TIAM1: variants seen among roughly 807,000 people sequenced by gnomAD.
The protein encoded by TIAM1 is rho guanine nucleotide exchange factor TIAM1.
In TIAM1, 65 loss-of-function variants were observed where a neutral mutation model predicts 163.5. The ratio of observed to expected loss-of-function variants is 0.40; its 90% confidence interval spans 0.33 to 0.49. The LOEUF (loss-of-function observed/expected upper bound fraction) is 0.49, where lower values mean the gene tolerates loss of function less well. Among genes scored for constraint, TIAM1 ranks in the 20% least tolerant of loss-of-function variants. The pLI is 0.77. For missense variants in TIAM1, 1,789 were observed against 2,044.7 expected, an observed-to-expected ratio of 0.87 and a Z score of 2.41; for synonymous variants, 833 against 810.1, an observed-to-expected ratio of 1.03 and a Z score of -0.48.
At chr21:31,273,272 G>A (rs1333431239) in intron 3 of TIAM1, among the ~76,000 whole-genome samples, 1 of 152,134 alleles carries the variant, frequency 6.6e-6, no homozygotes, top group Admixed American at 6.5e-5. Context: ...GAGGAATCAA[G>A]AATGGTCCCT....
At chr21:31,495,045 A>G (rs916792445) in intron 1 of TIAM1, among the ~76,000 whole-genome samples, 1 of 152,170 alleles carries the variant, frequency 6.6e-6, no homozygotes, top group Non-Finnish European at 1.5e-5. Context: ...CAGGGAAAAA[A>G]CAGTGTGTGT....
intron 2 of TIAM1, among the ~76,000 whole-genome samples, chr21:31,394,740 A>T (rs866040079): frequency 0.025 from 3,515 of 142,782 alleles, 83 homozygotes; most frequent in African/African-American, 0.045. Context: ...ACACACACAC[A>T]CACACACACA....
At chr21:31,260,533 A>C (rs1422559058) in intron 4 of TIAM1, among the ~76,000 whole-genome samples, 1 of 152,054 alleles carries the variant, frequency 6.6e-6, no homozygotes, top group Non-Finnish European at 1.5e-5. Context: ...AGGTCTAAGA[A>C]TGGCTAACAT....
intron 2 of TIAM1, among the ~76,000 whole-genome samples, chr21:31,458,569 G>A (rs1041124315): frequency 2.0e-5 from 3 of 152,160 alleles, no homozygotes; most frequent in African/African-American, 7.2e-5. Flanking sequence ...CTGTCCAACT[G>A]AAGAATTTAC....
intron 1 of TIAM1, among the ~76,000 whole-genome samples, chr21:31,543,558 G>A (rs1396858782): frequency 6.6e-6 from 1 of 152,202 alleles, no homozygotes; most frequent in Non-Finnish European, 1.5e-5. Context: ...TCAAGTCACG[G>A]AGGAAGCAGA....
At chr21:31,303,329 C>A (rs565776851) in intron 2 of TIAM1, among the ~76,000 whole-genome samples, 2 of 152,258 alleles carry the variant, frequency 1.3e-5, no homozygotes, top group East Asian at 1.9e-4. Flanking sequence ...GAGGTTTCCC[C>A]CACACACAAA....
At position 31,177,921 on chromosome 21, in the gene TIAM1, T is replaced by C. The variant is rs540347150; in HGVS notation, c.2887+4500A>G. On this transcript the variant is annotated intron_variant, in intron 15 of 27. Transcript: ENST00000541036. ...CCCTGAGACCCAGCAAGGCTCTCTG[T>C]CGAGGACACCAATCATCCACCTTAA... 5.3e-5 allele frequency among the ~76,000 whole-genome samples: 8 copies of C among 152,276 alleles called. No individual in the cohort carries two copies. The South Asian group carries it at 1.7e-3, about 32-fold the overall frequency.
chr21:31,279,989 CTCACACAG>C (rs1380185362), intron 2 of TIAM1, among the ~76,000 whole-genome samples: 1 of 151,838 alleles, frequency 6.6e-6, no homozygotes, highest in Non-Finnish European at 1.5e-5. Context: ...TCGGCTACAG[CTCACACAG>C]ACACACAGAC....
intron 2 of TIAM1, among the ~76,000 whole-genome samples, chr21:31,285,284 C>A (rs562310647): frequency 6.6e-6 from 1 of 152,130 alleles, no homozygotes; most frequent in Non-Finnish European, 1.5e-5. Context: ...GGCGGTGAGG[C>A]CATGAACTCA....
intron 15 of TIAM1, among the ~76,000 whole-genome samples, chr21:31,176,827 G>A (rs1226903534): frequency 6.6e-6 from 1 of 151,776 alleles, no homozygotes; most frequent in Non-Finnish European, 1.5e-5. Flanking sequence ...CCCAACCAGG[G>A]CTGGACATTA....
At chr21:31,213,857 T>C (rs937295137) in intron 9 of TIAM1, among the ~76,000 whole-genome samples, 1 of 108,920 alleles carries the variant, frequency 9.2e-6, no homozygotes, top group Non-Finnish European at 1.6e-5. Flanking sequence ...TAGTTAGACC[T>C]CATCTCTACA....
intron 2 of TIAM1, among the ~76,000 whole-genome samples, chr21:31,394,574 G>C (rs570645718): frequency 1.3e-3 from 193 of 152,240 alleles, no homozygotes; most frequent in African/African-American, 4.5e-3. Context: ...CAGGATGTTG[G>C]TGGTGGGAGA....
At chr21:31,410,597 CTGTG>C (rs778245026) in intron 2 of TIAM1, among the ~76,000 whole-genome samples, 1 of 151,696 alleles carries the variant, frequency 6.6e-6, no homozygotes, top group South Asian at 2.1e-4. Flanking sequence ...GTGTATGAGA[CTGTG>C]TGAGAGTGAA....
At chr21:31,554,767 G>A (rs898108960) in intron 1 of TIAM1, among the ~76,000 whole-genome samples, 4 of 152,128 alleles carry the variant, frequency 2.6e-5, no homozygotes, top group African/African-American at 7.2e-5. Flanking sequence ...CCAGGGCTCC[G>A]TGGTAGGATG....
chr21:31,161,319 T>G (rs2083911976), intron 16 of TIAM1, among the ~76,000 whole-genome samples: 1 of 152,116 alleles, frequency 6.6e-6, no homozygotes, highest in Non-Finnish European at 1.5e-5. Context: ...AACAAGAGTT[T>G]TCAATGAGAA....
intron 1 of TIAM1, among the ~76,000 whole-genome samples, chr21:31,546,564 GAAAGA>G (rs1290394632): frequency 7.0e-6 from 1 of 142,878 alleles, no homozygotes; most frequent in Non-Finnish European, 1.6e-5. Flanking sequence ...AAAAAAGAAA[GAAAGA>G]AAGAAAGAAA....
intron 2 of TIAM1, among the ~76,000 whole-genome samples, chr21:31,396,085 A>G (rs2077063490): frequency 6.6e-6 from 1 of 152,224 alleles, no homozygotes; most frequent in Non-Finnish European, 1.5e-5. Context: ...TAATTATTAT[A>G]TGATGGGAAT....
At chr21:31,186,575 C>T (rs2085314810) in intron 14 of TIAM1, among the ~76,000 whole-genome samples, 1 of 151,872 alleles carries the variant, frequency 6.6e-6, no homozygotes, top group African/African-American at 2.4e-5. Context: ...AGCTCAAGAA[C>T]AGCCGGGGCA....
At chr21:31,535,044 T>C (rs1021524757) in intron 1 of TIAM1, among the ~76,000 whole-genome samples, 1 of 151,526 alleles carries the variant, frequency 6.6e-6, no homozygotes, top group African/African-American at 2.4e-5. Context: ...GAGCCATGAC[T>C]GTGCCACTGC....
Sources: gnomAD v4.1 joint callset for allele counts (sites outside exome capture counted in the v4.1 genomes callset) on GRCh38, gnomAD v4.1.1 for gene constraint, MANE v1.5 for transcripts, NCBI Gene and HGNC (gene_info 2026-07-23, HGNC 2026-07-21) for gene names.